The following PUS7L variants were observed in gnomAD, a reference collection of about 807,000 sequenced individuals.
PUS7L encodes pseudouridine synthase 7 like, also known as pseudouridylate synthase PUS7L.
In PUS7L, 49 loss-of-function variants were observed where a neutral mutation model predicts 51.1. The ratio of observed to expected loss-of-function variants is 0.96; its 90% CI spans 0.76 to 1.22. The LOEUF (loss-of-function observed/expected upper bound fraction) is 1.22. Among genes scored for constraint, PUS7L ranks in the 50% most tolerant of loss-of-function variants. The pLI is 0.00. For missense variants in PUS7L, 828 were observed against 820.6 expected, an observed-to-expected ratio of 1.01 and a Z score of -0.11; for synonymous variants, 277 against 276.2, an observed-to-expected ratio of 1.00 and a Z score of -0.03.
Position 43,728,064 on chromosome 12 carries a change from A to T in PUS7L, c.*2312T>A, listed in dbSNP as rs1944478693. ...CTAATAATGAGGTGAAGAAAAAAAA[A>T]AAACTAATCCAAAGATCATGCTTAT... On this transcript the variant is annotated 3_prime_UTR_variant, in exon 9 of 9. Coordinates refer to ENST00000344862, the MANE Select transcript of PUS7L (RefSeq NM_031292.5). The T allele has an allele frequency of 6.6e-6, 1 of 152,126 alleles. No homozygotes were observed. Among genetic ancestry groups the T allele is most frequent in the South Asian group, 2.1e-4 (1 of 4,836 alleles). The allele number at this position is 152,126 out of a possible 1,614,324, so 9.4% of individuals were successfully genotyped here.
At chr12:43,758,659 CCCCCCCCACACACA>C in intron 1 of PUS7L, 57 bp downstream of exon 1, 9 of 727,118 alleles carry the variant, frequency 1.2e-5, no homozygotes, top group African/African-American at 3.9e-5. Flanking sequence ...TCGTCACCCC[CCCCCCCCACACACA>C]CACACACACA....
At position 43,730,183 on chromosome 12, in the gene PUS7L, C is replaced by T; in HGVS notation, c.*193G>A. ...AACACAGGCTTTGGGGTCACATGGACCTTAAATTTGGACCCTGACACTTAC... is the reference window on the plus strand; with the variant it reads ...AACACAGGCTTTGGGGTCACATGGATCTTAAATTTGGACCCTGACACTTAC... On this transcript the variant is annotated 3_prime_UTR_variant, in exon 9 of 9. Coordinates refer to ENST00000344862, the MANE Select transcript of PUS7L (RefSeq NM_031292.5). The T allele has an allele frequency of 1.8e-6, 1 of 548,398 alleles. No homozygotes were observed. The highest frequency in any genetic ancestry group is 2.7e-5 in the South Asian group (1 of 37,290). The allele number at this position is 548,398 out of a possible 1,614,324, so 34.0% of individuals were successfully genotyped here. A position where few individuals can be genotyped will look rare whatever the true frequency, so the allele number is the denominator to read the frequency against.
intron 7 of PUS7L, among the ~76,000 whole-genome samples, chr12:43,732,919 C>T (rs918082213): frequency 6.6e-6 from 1 of 152,150 alleles, no homozygotes; most frequent in Non-Finnish European, 1.5e-5. Context: ...TATGATCTCT[C>T]TTGCATCACC....
intron 1 of PUS7L, 53 bp downstream of exon 1, chr12:43,758,665 CCACACACACACA>C: frequency 1.8e-6 from 1 of 562,704 alleles, no homozygotes; most frequent in Non-Finnish European, 2.0e-6. Context: ...CCCCCCCCCC[CCACACACACACA>C]CACACACACA....
chr12:43,733,920 A>T (rs1332618367), intron 7 of PUS7L, among the ~76,000 whole-genome samples: 1 of 152,098 alleles, frequency 6.6e-6, no homozygotes, highest in Non-Finnish European at 1.5e-5. Context: ...CTTTCCTATT[A>T]GGTTGGAGCA....
chr12:43,739,657 T>A (rs1937796696), intron 5 of PUS7L: 1 of 152,190 alleles, frequency 6.6e-6, no homozygotes, highest in Non-Finnish European at 1.5e-5. Flanking sequence ...GGTCTCGAAC[T>A]CCTGACGTTA....
intron 4 of PUS7L, among the ~76,000 whole-genome samples, chr12:43,744,203 C>T (rs1565637758): frequency 6.6e-6 from 1 of 152,142 alleles, no homozygotes; most frequent in Non-Finnish European, 1.5e-5. Flanking sequence ...TTAGGTGGGT[C>T]AAGGAAAACG....
rs1003024798 is a variant in PUS7L at position 43,721,774 on chromosome 12, G to A, written c.*8602C>T. The A allele has an allele frequency of 6.6e-6, 1 of 152,090 alleles. No individual in the cohort carries two copies. The highest frequency in any genetic ancestry group is 2.4e-5 in the African/African-American group (1 of 41,410). 9.4% of individuals were successfully genotyped at this position (152,090 alleles called of 1,614,324 possible). A position where few individuals can be genotyped will look rare whatever the true frequency, so the allele number is the denominator to read the frequency against. ...AATGGGAGGTTGAGGTGTATAACATGGGAACATTTGCTATTAGGCTGAGCA... is the reference window on the plus strand; with the variant it reads ...AATGGGAGGTTGAGGTGTATAACATAGGAACATTTGCTATTAGGCTGAGCA... On this transcript the variant is annotated 3_prime_UTR_variant, in exon 9 of 9. Transcript: ENST00000344862.
chr12:43,731,703 AC>A lies in PUS7L; in HGVS notation c.1779+1del. The A allele has an allele frequency of 6.4e-7, 1 of 1,550,734 alleles. No homozygotes were observed. The highest frequency in any genetic ancestry group is 1.4e-5 in the African/African-American group (1 of 73,346). On this transcript the variant is annotated splice_donor_variant, in intron 8 of 8. Coordinates refer to ENST00000344862, the MANE Select transcript of PUS7L (RefSeq NM_031292.5). LOFTEE classifies it high-confidence loss of function. ...GTGATAGTAATTTTTAAGCAAATTT[AC>A]CTGATGTATTGCATACATATTAGCT...
intron 2 of PUS7L, 105 bp from the exon 3 acceptor site, chr12:43,748,714 A>G: frequency 2.1e-6 from 2 of 962,232 alleles, no homozygotes; most frequent in Non-Finnish European, 3.0e-6. Context: ...TAATCTAAGG[A>G]GTTTTGTTGT....
intron 1 of PUS7L, 61 bp downstream of exon 1, chr12:43,758,661 CCCCCCACA>C: frequency 8.0e-6 from 6 of 753,604 alleles, no homozygotes; most frequent in Non-Finnish European, 9.0e-6. Flanking sequence ...GTCACCCCCC[CCCCCCACA>C]CACACACACA....
chr12:43,741,871 A>G (rs1420938726), intron 5 of PUS7L, among the ~76,000 whole-genome samples: 1 of 152,168 alleles, frequency 6.6e-6, no homozygotes, highest in Non-Finnish European at 1.5e-5. Flanking sequence ...ATAATCTTGC[A>G]TTTGTTCAAA....
In PUS7L at chr12:43,743,653, C is replaced by T. The variant is rs538570852; in HGVS notation, c.1264-1098G>A. ...TGGCGGGCACCTGTAGTCCCAGCTA[C>T]TCAGGAGGCTGGGGCAGGAGAATGG... On this transcript the variant is annotated intron_variant, in intron 4 of 8. Transcript: ENST00000344862. 6.6e-5 allele frequency among the ~76,000 whole-genome samples: 10 copies of T among 152,148 alleles called. No individual in the cohort carries two copies. The South Asian group carries it at 2.1e-3, about 32-fold the overall frequency.
chr12:43,748,738 G>T, intron 2 of PUS7L, 129 bp from the exon 3 acceptor site: 2 of 795,928 alleles, frequency 2.5e-6, no homozygotes, highest in Non-Finnish European at 3.8e-6. Flanking sequence ...TGTTGTTGTT[G>T]TTTTGTGATG....
At chr12:43,745,810 C>A (rs116099039) in intron 4 of PUS7L, among the ~76,000 whole-genome samples, 2,064 of 146,268 alleles carry the variant, frequency 0.014, 46 homozygotes, top group African/African-American at 0.048. Context: ...GACACCATAT[C>A]CTGCATTTTT....
chr12:43,733,156 T>C (rs866577068), intron 7 of PUS7L, among the ~76,000 whole-genome samples: 2 of 148,162 alleles, frequency 1.3e-5, no homozygotes, highest in Admixed American at 1.3e-4. Context: ...CTAACTCACA[T>C]TTCTCCATCT....
chr12:43,746,836 G>C (rs532480751), intron 3 of PUS7L, among the ~76,000 whole-genome samples: 7 of 152,254 alleles, frequency 4.6e-5, no homozygotes, highest in Non-Finnish European at 7.4e-5. Context: ...TGTATCTCTA[G>C]TTTTTTGCGT....
At chr12:43,733,005 G>A (rs529109003) in intron 7 of PUS7L, among the ~76,000 whole-genome samples, 13 of 152,160 alleles carry the variant, frequency 8.5e-5, no homozygotes, top group Admixed American at 2.6e-4. Context: ...TGAAAACATC[G>A]AATAAACATG....
At position 43,754,603 on chromosome 12, in the gene PUS7L, C is replaced by A. The variant is rs748021694; in HGVS notation, c.643G>T (p.Ala215Ser). ...ELCHLVSEEE[A>S]FDFFKYLDAK... ...TCCAAATATTTAAAAAAGTCAAATGCTTCCTCTTCAGATACCAAATGACAA... is the reference window on the plus strand; with the variant it reads ...TCCAAATATTTAAAAAAGTCAAATGATTCCTCTTCAGATACCAAATGACAA... The change falls in exon 2 of 9, where the codon GCA (alanine) becomes TCA (serine). Residue 215 changes from alanine to serine, a missense_variant. Transcript: ENST00000344862. 7.4e-6 allele frequency: 12 copies of A among 1,612,020 alleles called. No individual in the cohort carries two copies. The highest frequency in any genetic ancestry group is 1.0e-5 in the Non-Finnish European group (12 of 1,179,348).
Sources: allele counts gnomAD v4.1 joint callset (sites outside exome capture counted in the v4.1 genomes callset), GRCh38; gene constraint gnomAD v4.1.1; transcripts MANE v1.5; gene names NCBI Gene and HGNC (gene_info 2026-07-23, HGNC 2026-07-21).